TRAPPC12: variants seen among roughly 807,000 people sequenced by gnomAD.
The protein encoded by TRAPPC12 is trafficking protein particle complex subunit 12, also known as TPR repeat protein 15.
In TRAPPC12, 61 loss-of-function variants were observed where a neutral mutation model predicts 69.2. The observed-to-expected ratio is 0.88, with a 90% CI of 0.72 to 1.09. The LOEUF is 1.09. Among genes scored for constraint, TRAPPC12 ranks in the 50% least tolerant of loss-of-function variants. TRAPPC12 has a pLI of 0.00. For missense variants in TRAPPC12, 1,101 were observed against 1,016.4 expected, an observed-to-expected ratio of 1.08 and a Z score of -1.13; for synonymous variants, 469 against 438.9, an observed-to-expected ratio of 1.07 and a Z score of -0.86.
chr2:3,387,337 C>CG (rs1558337202), intron 1 of TRAPPC12, among the ~76,000 whole-genome samples: 1 of 151,548 alleles, frequency 6.6e-6, no homozygotes, highest in African/African-American at 2.4e-5. Flanking sequence ...ATGCTCTAGG[C>CG]GGGGGAGATG....
intron 9 of TRAPPC12, 145 bp from the exon 10 acceptor site, chr2:3,477,542 TTTATTAAA>T (rs1302022269): frequency 7.1e-5 from 35 of 494,464 alleles, no homozygotes; most frequent in Non-Finnish European, 2.5e-5. Flanking sequence ...CTTTTGCCTT[TTTATTAAA>T]AAATGATTAA....
intron 2 of TRAPPC12, among the ~76,000 whole-genome samples, chr2:3,399,761 A>T (rs1661321968): frequency 6.6e-6 from 1 of 151,996 alleles, no homozygotes; most frequent in Admixed American, 6.6e-5. Context: ...GATTGAAATA[A>T]CCTTGCTTCT....
chr2:3,388,306 C>G lies in TRAPPC12; in HGVS notation c.683C>G (p.Thr228Ser). ...SLASDFFDSF[T>S]TSAFISVSNP... ...GCCTCGGACTTCTTCGACTCCTTTACTACCTCCGCCTTCATTTCCGTCAGC... is the reference window on the plus strand; with the variant it reads ...GCCTCGGACTTCTTCGACTCCTTTAGTACCTCCGCCTTCATTTCCGTCAGC... Residue 228 changes from threonine to serine, a missense_variant, in exon 2 of 12, where the codon ACT becomes AGT. By Grantham distance (58) the Thr-to-Ser change is moderately conservative. Transcript: ENST00000324266. 1 of 1,605,512 alleles carries G rather than the reference C, an allele frequency of 6.2e-7. No homozygotes were observed. Among genetic ancestry groups the G allele is most frequent in the Non-Finnish European group, 8.5e-7 (1 of 1,176,268 alleles).
intron 9 of TRAPPC12, among the ~76,000 whole-genome samples, chr2:3,466,616 A>T (rs902199101): frequency 6.6e-6 from 1 of 152,184 alleles, no homozygotes; most frequent in Admixed American, 6.5e-5. Flanking sequence ...ACATGCACTG[A>T]CACACGTAGG....
At chr2:3,443,326 A>G (rs989653812) in intron 5 of TRAPPC12, among the ~76,000 whole-genome samples, 1 of 152,250 alleles carries the variant, frequency 6.6e-6, no homozygotes, top group Non-Finnish European at 1.5e-5. Flanking sequence ...TCCCGGGAGC[A>G]CTTCCGGAAC....
chr2:3,389,949 A>C (rs1184334990), intron 2 of TRAPPC12, among the ~76,000 whole-genome samples: 3 of 152,090 alleles, frequency 2.0e-5, no homozygotes, highest in African/African-American at 7.2e-5. Context: ...GTATGCAAAA[A>C]AGAAGGCTAA....
chr2:3,454,932 C>CAG (rs1665057942), intron 6 of TRAPPC12: 1 of 152,632 alleles, frequency 6.6e-6, no homozygotes, highest in African/African-American at 2.4e-5. Context: ...CCCAGACCCA[C>CAG]AGAGACCTCG....
At chr2:3,436,985 A>G (rs1663836138) in intron 5 of TRAPPC12, among the ~76,000 whole-genome samples, 1 of 73,818 alleles carries the variant, frequency 1.4e-5, no homozygotes, top group Admixed American at 1.8e-4. Context: ...TCACCCCTGG[A>G]TTAATCCCCC....
intron 5 of TRAPPC12, among the ~76,000 whole-genome samples, chr2:3,434,476 A>G (rs1410908519): frequency 6.6e-6 from 1 of 152,254 alleles, no homozygotes; most frequent in Non-Finnish European, 1.5e-5. Context: ...TTTCAATGAT[A>G]CAAGTCAAGG....
At chr2:3,457,815 T>C (rs1665246622) in intron 7 of TRAPPC12, 122 bp downstream of exon 7, 1 of 1,472,164 alleles carries the variant, frequency 6.8e-7, no homozygotes, top group Admixed American at 2.5e-5. Flanking sequence ...ACGTGTCCAC[T>C]CGTGCATTTG....
chr2:3,386,271 C>T (rs1369634670), intron 1 of TRAPPC12, among the ~76,000 whole-genome samples: 4 of 152,160 alleles, frequency 2.6e-5, no homozygotes, highest in African/African-American at 9.7e-5. Flanking sequence ...TATCTTTTAT[C>T]ATAGTCTCTT....
chr2:3,460,781 A>G (rs1665446578), intron 8 of TRAPPC12: 1 of 158,522 alleles, frequency 6.3e-6, no homozygotes, highest in Non-Finnish European at 1.4e-5. Context: ...CAGAGCTCTC[A>G]GCCCGCAGGG....
At chr2:3,450,076 C>G (rs1664771660) in intron 6 of TRAPPC12, among the ~76,000 whole-genome samples, 1 of 152,114 alleles carries the variant, frequency 6.6e-6, no homozygotes, top group African/African-American at 2.4e-5. Flanking sequence ...GAAATTCACA[C>G]CTTCAGAAAC....
Position 3,401,822 on chromosome 2 carries a change from G to C in TRAPPC12, c.1093G>C (p.Ala365Pro), listed in dbSNP as rs138605007. The C allele has an allele frequency of 1.2e-6, 2 of 1,601,142 alleles. No individual in the cohort carries two copies. The highest frequency in any genetic ancestry group is 1.7e-6 in the Non-Finnish European group (2 of 1,175,410). Residue 365 changes from alanine to proline, a missense_variant, in exon 3 of 12, where the codon GCT (alanine) becomes CCT (proline). Physicochemically the swap from Ala to Pro is conservative, Grantham distance 27. Coordinates refer to ENST00000324266, the MANE Select transcript of TRAPPC12 (RefSeq NM_016030.6). ...DLMLRFLGEK[A>P]AAKRQVLNAD... ...GATGCTTCGCTTTCTGGGTGAAAAA[G>C]CTGCAGCAAAGAGACAAGTCCTAAA...
At chr2:3,437,466 TC>T (rs1308840944) in intron 5 of TRAPPC12, among the ~76,000 whole-genome samples, 1 of 3,554 alleles carries the variant, frequency 2.8e-4, no homozygotes, top group Non-Finnish European at 5.3e-4. Context: ...CCTGGATTAA[TC>T]CCCCCATCAC....
intron 2 of TRAPPC12, among the ~76,000 whole-genome samples, chr2:3,398,618 C>T (rs1572096545): frequency 6.6e-6 from 1 of 152,214 alleles, no homozygotes; most frequent in Admixed American, 6.5e-5. Flanking sequence ...TTTCAGTCCA[C>T]TGCTCTGGCT....
At chr2:3,400,718 G>T (rs570409289) in intron 2 of TRAPPC12, among the ~76,000 whole-genome samples, 2 of 152,292 alleles carry the variant, frequency 1.3e-5, no homozygotes, top group African/African-American at 4.8e-5. Flanking sequence ...TGTGGACTGT[G>T]ACAGTTTTCT....
intron 7 of TRAPPC12, among the ~76,000 whole-genome samples, chr2:3,459,632 A>AC (rs1491293750): frequency 1.3e-5 from 2 of 152,196 alleles, no homozygotes; most frequent in Non-Finnish European, 2.9e-5. Flanking sequence ...GGCCAGGCTC[A>AC]GGGTCGCGGT....
chr2:3,451,036 G>C (rs1366526887), intron 6 of TRAPPC12, among the ~76,000 whole-genome samples: 1 of 152,152 alleles, frequency 6.6e-6, no homozygotes, highest in African/African-American at 2.4e-5. Flanking sequence ...ACATAGATTT[G>C]GGTCTCTTTA....
Sources: allele counts gnomAD v4.1 joint callset (sites outside exome capture counted in the v4.1 genomes callset), GRCh38; gene constraint gnomAD v4.1.1; transcripts MANE v1.5; gene names NCBI Gene and HGNC (gene_info 2026-07-23, HGNC 2026-07-21).